Variants in MYT1L observed in about 807,000 individuals in gnomAD.
MYT1L encodes the protein myelin transcription factor 1-like protein.
A neutral mutation model predicts 126.7 loss-of-function variants in MYT1L; 12 were observed. The ratio of observed to expected loss-of-function variants is 0.09; its 90% CI spans 0.06 to 0.15. The LOEUF (loss-of-function observed/expected upper bound fraction) is 0.15, where lower values mean the gene tolerates loss of function less well. Among genes scored for constraint, MYT1L ranks in the 10% least tolerant of loss-of-function variants. MYT1L has a pLI of 1.00. For synonymous variants in MYT1L, 541 were observed against 604.2 expected (o/e 0.90, Z 1.53); for missense variants, 979 against 1,585.2 (o/e 0.62, Z 6.49).
intron 4 of MYT1L, among the ~76,000 whole-genome samples, chr2:2,022,746 G>C (rs1378301173): frequency 6.6e-6 from 1 of 151,660 alleles, no homozygotes; most frequent in African/African-American, 2.4e-5. Flanking sequence ...GGTGCACAAT[G>C]TCAGTTCTTT....
chr2:1,921,025 T>A (rs1456789835), intron 10 of MYT1L, among the ~76,000 whole-genome samples: 1 of 152,178 alleles, frequency 6.6e-6, no homozygotes, highest in Non-Finnish European at 1.5e-5. Context: ...CCGCAGAAGG[T>A]AGGTGCACAC....
At chr2:1,984,561 G>T (rs1317455845) in intron 5 of MYT1L, among the ~76,000 whole-genome samples, 1 of 143,028 alleles carries the variant, frequency 7.0e-6, no homozygotes. Flanking sequence ...CCAGGCTGGA[G>T]TGCAGTGGCG....
chr2:2,125,623 A>C (rs1349929521), intron 3 of MYT1L, among the ~76,000 whole-genome samples: 2 of 152,200 alleles, frequency 1.3e-5, no homozygotes, highest in African/African-American at 4.8e-5. Context: ...CAAGCTCAAT[A>C]AAAAAGGCAA....
intron 2 of MYT1L, among the ~76,000 whole-genome samples, chr2:2,282,334 A>G (rs1158528657): frequency 6.6e-6 from 1 of 152,236 alleles, no homozygotes; most frequent in African/African-American, 2.4e-5. Flanking sequence ...AGATATTTTG[A>G]AATACATTTT....
chr2:1,940,915 C>T (rs548872243), intron 9 of MYT1L, among the ~76,000 whole-genome samples: 13 of 152,222 alleles, frequency 8.5e-5, no homozygotes, highest in Non-Finnish European at 1.6e-4. Flanking sequence ...TCCTGAGGCA[C>T]GATCAGCCAG....
chr2:2,045,980 T>C (rs1345177912), intron 4 of MYT1L, among the ~76,000 whole-genome samples: 1 of 152,192 alleles, frequency 6.6e-6, no homozygotes, highest in Non-Finnish European at 1.5e-5. Context: ...GCTGTCGTCT[T>C]CTGTATCTTT....
intron 4 of MYT1L, among the ~76,000 whole-genome samples, chr2:2,001,335 A>G (rs185193469): frequency 3.3e-5 from 5 of 149,694 alleles, no homozygotes; most frequent in African/African-American, 1.2e-4. Flanking sequence ...TGCACTTTAA[A>G]TTTTCAGTAC....
chr2:2,306,061 AG>A (rs2095853637), intron 1 of MYT1L: 1 of 152,230 alleles, frequency 6.6e-6, no homozygotes, highest in African/African-American at 2.4e-5. Context: ...CTGGAACAGG[AG>A]CAAGGTCAAA....
chr2:2,100,868 T>C (rs995626119), intron 3 of MYT1L, among the ~76,000 whole-genome samples: 2 of 152,198 alleles, frequency 1.3e-5, no homozygotes, highest in Non-Finnish European at 2.9e-5. Flanking sequence ...CTGGATTTAA[T>C]ACTGGCCTAA....
At chr2:1,930,480 G>C (rs13016585) in intron 9 of MYT1L, among the ~76,000 whole-genome samples, 23,674 of 151,838 alleles carry the variant, frequency 0.16, 1,986 homozygotes, top group East Asian at 0.32. Flanking sequence ...CTACCATAAC[G>C]ACCTCCCTGC....
intron 4 of MYT1L, among the ~76,000 whole-genome samples, chr2:2,002,515 C>T (rs2062496809): frequency 6.6e-6 from 1 of 152,114 alleles, no homozygotes. Context: ...CTCCAGGTTG[C>T]CTAAGAGACA....
intron 2 of MYT1L, among the ~76,000 whole-genome samples, chr2:2,178,066 TAGATA>T (rs1434013698): frequency 3.3e-5 from 5 of 152,106 alleles, no homozygotes; most frequent in Admixed American, 3.3e-4. Context: ...TATTTATAAA[TAGATA>T]AAATATTTAT....
chr2:2,081,679 C>T (rs1007279315), intron 3 of MYT1L, among the ~76,000 whole-genome samples: 1 of 152,134 alleles, frequency 6.6e-6, no homozygotes, highest in African/African-American at 2.4e-5. Context: ...CAAGGCAAGT[C>T]CCAGAGGTTA....
intron 3 of MYT1L, among the ~76,000 whole-genome samples, chr2:2,154,435 C>T (rs2086367982): frequency 6.6e-6 from 1 of 152,148 alleles, no homozygotes; most frequent in Admixed American, 6.5e-5. Flanking sequence ...AACCTAAATG[C>T]CTATCAATAG....
intron 2 of MYT1L, among the ~76,000 whole-genome samples, chr2:2,232,833 C>T (rs1311750330): frequency 6.6e-6 from 1 of 152,222 alleles, no homozygotes; most frequent in East Asian, 1.9e-4. Flanking sequence ...GCTGACTGCG[C>T]TGTGACCTGC....
At position 2,295,553 on chromosome 2, in the gene MYT1L, G is replaced by GAC. The variant is rs201521126; in HGVS notation, c.-520-11051_-520-11050insGT. Among the ~76,000 whole-genome samples the GAC allele has an allele frequency of 2.7e-5, 4 of 145,728 alleles. 1 individual carries two copies. Among genetic ancestry groups the GAC allele is most frequent in the African/African-American group, 1.0e-4 (4 of 40,006 alleles). The stretch of plus-strand genomic sequence containing the variant: ...AGAGAAAGATAGAGAGAGAGAGAGA[G>GAC]AGACAGACAGACAGAGAGAGAGAGA... On this transcript the variant is annotated intron_variant, in intron 1 of 24. Transcript: ENST00000647738.
At chr2:2,021,657 C>A (rs1325364126) in intron 4 of MYT1L, among the ~76,000 whole-genome samples, 1 of 152,132 alleles carries the variant, frequency 6.6e-6, no homozygotes, top group Non-Finnish European at 1.5e-5. Context: ...CTGCACTTTG[C>A]GAGGCCAAGG....
intron 3 of MYT1L, among the ~76,000 whole-genome samples, chr2:2,144,862 C>G (rs75062021): frequency 0.02 from 3,086 of 152,324 alleles, 50 homozygotes; most frequent in Middle Eastern, 0.058. Context: ...CACCACCTTT[C>G]TCTTGCTCTG....
At chr2:1,820,747 A>T (rs1297845925) in intron 21 of MYT1L, among the ~76,000 whole-genome samples, 1 of 152,128 alleles carries the variant, frequency 6.6e-6, no homozygotes, top group Non-Finnish European at 1.5e-5. Flanking sequence ...ATGTCTTGCC[A>T]TGTTGCCCAG....
Sources: gnomAD v4.1 joint callset for allele counts (sites outside exome capture counted in the v4.1 genomes callset) on GRCh38, gnomAD v4.1.1 for gene constraint, MANE v1.5 for transcripts, NCBI Gene and HGNC (gene_info 2026-07-23, HGNC 2026-07-21) for gene names.